The following CHMP6 variants were observed in gnomAD, a reference collection of about 807,000 sequenced individuals.
CHMP6 encodes chromatin-modifying protein 6.
CHMP6 carries 10 observed loss-of-function variants against 32.8 expected under a neutral mutation model. That is an observed-to-expected ratio of 0.30 (90% CI 0.19 to 0.52). The LOEUF is 0.52. Among genes scored for constraint, CHMP6 ranks in the 20% least tolerant of loss-of-function variants. The probability of loss-of-function intolerance (pLI) is 0.97; values close to 1 mark genes in which losing one functional copy is unlikely to be tolerated. For synonymous variants in CHMP6, 123 were observed against 105.8 expected, an observed-to-expected ratio of 1.16 and a Z score of -1.00; for missense variants, 269 against 263.8, an observed-to-expected ratio of 1.02 and a Z score of -0.14.
chr17:80,998,236 G>C lies in CHMP6; in HGVS notation c.496-130G>C, dbSNP rs79642935. On this transcript the variant is annotated intron_variant, in intron 6 of 7. Coordinates refer to ENST00000325167, the MANE Select transcript of CHMP6 (RefSeq NM_024591.5). ...GTTGCAGACTTGGGTCTTCTGAGCA[G>C]CACGTTCCTGTCCGCTTTAACTCCG... 6.2e-3 allele frequency: 6,479 copies of C among 1,052,230 alleles called. 296 individuals are homozygous for C. The African/African-American group carries it at 0.091, about 15-fold the overall frequency. 65.2% of individuals were successfully genotyped at this position (1,052,230 alleles called of 1,614,324 possible).
At chr17:80,996,855 C>T (rs1293085586) in intron 4 of CHMP6, 152 bp from the exon 5 acceptor site, 1 of 761,734 alleles carries the variant, frequency 1.3e-6, no homozygotes, top group Non-Finnish European at 2.1e-6. Flanking sequence ...CGCTTGAGCC[C>T]AGCCTGGGCA....
At chr17:80,993,903 T>C (rs1396180711) in intron 1 of CHMP6, among the ~76,000 whole-genome samples, 1 of 151,772 alleles carries the variant, frequency 6.6e-6, no homozygotes, top group East Asian at 1.9e-4. Context: ...GCCACCTGCA[T>C]GTTCTTGAGT....
intron 3 of CHMP6, 31 bp downstream of exon 3, chr17:80,995,137 C>T (rs2069626365): frequency 1.1e-5 from 17 of 1,573,646 alleles, no homozygotes; most frequent in Non-Finnish European, 1.5e-5. Context: ...CCCTGGAGTG[C>T]AGGTGCAGCT....
chr17:80,993,680 C>G (rs942926821), intron 1 of CHMP6, among the ~76,000 whole-genome samples: 2 of 152,242 alleles, frequency 1.3e-5, no homozygotes, highest in African/African-American at 4.8e-5. Flanking sequence ...TAGAGCAGGA[C>G]TGGCTGAAGT....
At chr17:80,998,142 G>T (rs554408425) in intron 6 of CHMP6, among the ~76,000 whole-genome samples, 90 of 152,216 alleles carry the variant, frequency 5.9e-4, no homozygotes, top group African/African-American at 2.1e-3. Context: ...AGGGTCTGTT[G>T]GGAGGAGCCT....
intron 7 of CHMP6, 30 bp from the exon 8 acceptor site, chr17:80,999,068 G>T: frequency 1.2e-6 from 2 of 1,613,172 alleles, no homozygotes; most frequent in Admixed American, 1.7e-5. Flanking sequence ...GGTCTTTGGC[G>T]TGTCATAAAC....
rs534627562 is a variant in CHMP6 at position 80,997,180 on chromosome 17, C to T, written c.415-81C>T. ...GAGCGGCCGCCTTCTCTCAAGGGGA[C>T]GAGACCCAGCCACAGGCCATCTCCT... On this transcript the variant is annotated intron_variant, in intron 5 of 7. Transcript: ENST00000325167. 2,335 of 1,598,806 alleles carry T rather than the reference C, an allele frequency of 1.5e-3. 27 individuals carry two copies. The South Asian group carries it at 0.015, about 10-fold the overall frequency.
chr17:80,996,381 C>A (rs1432531153), intron 4 of CHMP6, among the ~76,000 whole-genome samples: 1 of 151,802 alleles, frequency 6.6e-6, no homozygotes, highest in Non-Finnish European at 1.5e-5. Context: ...TCAGGCCGGG[C>A]ATGGATGTGA....
intron 7 of CHMP6, among the ~76,000 whole-genome samples, chr17:80,998,850 C>T (rs1333423404): frequency 6.6e-6 from 1 of 152,210 alleles, no homozygotes; most frequent in Non-Finnish European, 1.5e-5. Flanking sequence ...ATCTTTGGGG[C>T]TCTTCTCCTC....
In CHMP6 at chr17:80,999,143, C is replaced by T; in HGVS notation, c.596C>T (p.Ala199Val). 1 of 1,614,050 alleles carries T rather than the reference C, an allele frequency of 6.2e-7. No homozygotes were observed. Among genetic ancestry groups the T allele is most frequent in the Non-Finnish European group, 8.5e-7 (1 of 1,179,954 alleles). ...AGGCCCAGGCAGGCGGAGCTGGTGG[C>T]AGCTTCGTAACGTGGCCTCGTCTTG... ...KARPRQAELV[A>V]AS The change falls in exon 8 of 8, where the codon GCA (alanine) becomes GTA (valine). Residue 199 changes from alanine to valine, a missense_variant. By Grantham distance (64) the Ala-to-Val change is moderately conservative. Transcript: ENST00000325167.
At chr17:80,995,813 G>T in intron 4 of CHMP6, 55 bp downstream of exon 4, 1 of 1,523,594 alleles carries the variant, frequency 6.6e-7, no homozygotes, top group South Asian at 1.1e-5. Flanking sequence ...TTGGGCTGGA[G>T]CTGGGGATAG....
intron 1 of CHMP6, among the ~76,000 whole-genome samples, chr17:80,992,474 G>A (rs1418532615): frequency 6.6e-6 from 1 of 152,212 alleles, no homozygotes; most frequent in Non-Finnish European, 1.5e-5. Flanking sequence ...GCGAGGCAGC[G>A]CGGGGCATCC....
chr17:80,995,588 G>T (rs1598439271), intron 3 of CHMP6, 84 bp from the exon 4 acceptor site: 6 of 1,189,044 alleles, frequency 5.0e-6, no homozygotes, highest in Non-Finnish European at 7.4e-6. Context: ...CCCAGCAAGG[G>T]TGTCATCCTG....
Position 80,991,874 on chromosome 17 carries a change from T to G in CHMP6, c.-45T>G, listed in dbSNP as rs771621109. 4.4e-5 allele frequency: 60 copies of G among 1,350,686 alleles called. 2 individuals are homozygous for G. The South Asian group carries it at 7.7e-4, about 17-fold the overall frequency. 83.7% of individuals were successfully genotyped at this position (1,350,686 alleles called of 1,614,324 possible). A position where few individuals can be genotyped will look rare whatever the true frequency, so the allele number is the denominator to read the frequency against. ...AGCTACGGTGGCCGCGGGGCGGCGG[T>G]GGCGATTGGACTTGGTGGGTCCCGG... On this transcript the variant is annotated 5_prime_UTR_variant, in exon 1 of 8. Coordinates refer to ENST00000325167, the MANE Select transcript of CHMP6 (RefSeq NM_024591.5).
At chr17:80,998,344 C>T (rs2069656739) in intron 6 of CHMP6, 22 bp from the exon 7 acceptor site, 1 of 1,614,012 alleles carries the variant, frequency 6.2e-7, no homozygotes, top group African/African-American at 1.3e-5. Flanking sequence ...CTGCTCATAG[C>T]CTTACCCTTT....
In CHMP6 at chr17:80,999,089, C is replaced by T. The variant is rs2069663573; in HGVS notation, c.551-9C>T. ...TGGCGTGTCATAAACATCTCTGTTT[C>T]CTCCACAGAAAACGTCCCTGTCAAG... On this transcript the variant is annotated splice_polypyrimidine_tract_variant and intron_variant, in intron 7 of 7. Coordinates refer to ENST00000325167, the MANE Select transcript of CHMP6 (RefSeq NM_024591.5). 4 of 1,613,876 alleles carry T rather than the reference C, an allele frequency of 2.5e-6. No individual in the cohort carries two copies. Among genetic ancestry groups the T allele is most frequent in the Non-Finnish European group, 3.4e-6 (4 of 1,179,862 alleles).
chr17:80,997,801 G>A lies in CHMP6; in HGVS notation c.495+460G>A, dbSNP rs530194110. Among the ~76,000 whole-genome samples, 36 of 152,358 alleles carry A rather than the reference G, an allele frequency of 2.4e-4. No individual in the cohort carries two copies. The South Asian group carries it at 7.5e-3, about 32-fold the overall frequency. On this transcript the variant is annotated intron_variant, in intron 6 of 7. Transcript: ENST00000325167. ...CCGCCAAATTCTCATGGTGCCCCCA[G>A]AGCCGGCCTCTGCCCCAGCCCTGCT...
At position 80,998,348 on chromosome 17, in the gene CHMP6, A is replaced by G. The variant is rs2069656761; in HGVS notation, c.496-18A>G. 1.2e-6 allele frequency: 2 copies of G among 1,613,984 alleles called. No homozygotes were observed. Among genetic ancestry groups the G allele is most frequent in the Non-Finnish European group, 1.7e-6 (2 of 1,179,942 alleles). On this transcript the variant is annotated intron_variant, in intron 6 of 7. Transcript: ENST00000325167. ...AGACCTGTCACCTGCTCATAGCCTT[A>G]CCCTTTGCTTCTTGCAGGAACAAAT...
chr17:80,999,333 G>T lies in CHMP6; in HGVS notation c.*180G>T. 1 of 616,204 alleles carries T rather than the reference G, an allele frequency of 1.6e-6. No individual in the cohort carries two copies. The highest frequency in any genetic ancestry group is 2.8e-6 in the Non-Finnish European group (1 of 353,408). 38.2% of individuals were successfully genotyped at this position (616,204 alleles called of 1,614,324 possible). A position where few individuals can be genotyped will look rare whatever the true frequency, so the allele number is the denominator to read the frequency against. On this transcript the variant is annotated 3_prime_UTR_variant, in exon 8 of 8. Transcript: ENST00000325167. ...CCAGAGCGTCTCCTGGAGACCTTGA[G>T]CCTGAACGCACTCAGGCGCCACTGG... is the stretch of plus-strand genomic sequence containing the variant.
Sources: gnomAD v4.1 joint callset for allele counts (sites outside exome capture counted in the v4.1 genomes callset) on GRCh38, gnomAD v4.1.1 for gene constraint, MANE v1.5 for transcripts, NCBI Gene and HGNC (gene_info 2026-07-23, HGNC 2026-07-21) for gene names.